The following GRID1 variants were observed in gnomAD, a reference collection of about 807,000 sequenced individuals.
GRID1 encodes the protein glutamate ionotropic receptor delta type subunit 1, also known as glutamate receptor ionotropic, delta-1.
Under a neutral mutation model 98.0 loss-of-function variants are expected in GRID1, and 28 were observed. The observed-to-expected ratio is 0.29, with a 90% CI of 0.21 to 0.39. GRID1 has a LOEUF of 0.39. Among genes scored for constraint, GRID1 ranks in the 10% least tolerant of loss-of-function variants. The pLI is 1.00. For synonymous variants in GRID1, 553 were observed against 538.5 expected (o/e 1.03, Z -0.37); for missense variants, 1,111 against 1,340.5 (o/e 0.83, Z 2.67).
At chr10:85,956,541 G>A (rs533959949) in intron 4 of GRID1, among the ~76,000 whole-genome samples, 16 of 152,256 alleles carry the variant, frequency 1.1e-4, no homozygotes, top group African/African-American at 3.1e-4. Flanking sequence ...GATTAAGTGC[G>A]GTTTTGACCA....
chr10:85,963,850 C>T (rs536206374), intron 4 of GRID1, among the ~76,000 whole-genome samples: 44 of 152,286 alleles, frequency 2.9e-4, no homozygotes, highest in Non-Finnish European at 6.2e-4. Context: ...AGCAGCAGCA[C>T]CTGACACAGC....
At chr10:86,007,054 C>A (rs1842870346) in intron 4 of GRID1, among the ~76,000 whole-genome samples, 1 of 152,126 alleles carries the variant, frequency 6.6e-6, no homozygotes, top group African/African-American at 2.4e-5. Flanking sequence ...TATTGAGAGG[C>A]TTGATTCTCA....
At chr10:85,884,596 G>C (rs537601966) in intron 5 of GRID1, among the ~76,000 whole-genome samples, 36 of 152,196 alleles carry the variant, frequency 2.4e-4, no homozygotes, top group Non-Finnish European at 4.6e-4. Flanking sequence ...TTTGTTTGTT[G>C]CTTCAGAAAT....
At chr10:85,737,171 G>T (rs1302924179) in intron 8 of GRID1, among the ~76,000 whole-genome samples, 1 of 152,116 alleles carries the variant, frequency 6.6e-6, no homozygotes, top group Non-Finnish European at 1.5e-5. Flanking sequence ...TTTGCACAAG[G>T]AATTGAGCCT....
At chr10:85,750,674 T>G (rs1393424721) in intron 8 of GRID1, among the ~76,000 whole-genome samples, 2 of 152,174 alleles carry the variant, frequency 1.3e-5, no homozygotes, top group Non-Finnish European at 1.5e-5. Context: ...GAAGGTAACA[T>G]AGCACTATGC....
intron 4 of GRID1, among the ~76,000 whole-genome samples, chr10:86,029,960 T>C (rs1843163548): frequency 1.3e-5 from 2 of 152,260 alleles, no homozygotes; most frequent in Non-Finnish European, 2.9e-5. Context: ...GGAATTGCTA[T>C]ACTTACTCTA....
At chr10:86,229,093 C>T (rs1482681319) in intron 2 of GRID1, among the ~76,000 whole-genome samples, 1 of 152,124 alleles carries the variant, frequency 6.6e-6, no homozygotes, top group Admixed American at 6.5e-5. Context: ...GGAGGGTCCC[C>T]ACATGATCTC....
chr10:86,287,695 G>A (rs914756807), intron 2 of GRID1, among the ~76,000 whole-genome samples: 23 of 152,110 alleles, frequency 1.5e-4, no homozygotes, highest in Non-Finnish European at 3.1e-4. Context: ...GCCCAGCACA[G>A]CCGTTGCACC....
Position 85,615,302 on chromosome 10 carries a change from G to C in GRID1, c.2361-1655C>G, listed in dbSNP as rs1226431990. On this transcript the variant is annotated intron_variant, in intron 14 of 15. Transcript: ENST00000327946. ...GAGGCACCAGACCTCACCTGGACCA[G>C]GGACTTGCTCCTACTAAAGATCAGT... 3.3e-5 allele frequency among the ~76,000 whole-genome samples: 5 copies of C among 152,162 alleles called. No homozygotes were observed. In the East Asian group the frequency reaches 9.7e-4, roughly 29 times the overall value.
At chr10:86,245,347 C>T (rs897570108) in intron 2 of GRID1, among the ~76,000 whole-genome samples, 1 of 152,222 alleles carries the variant, frequency 6.6e-6, no homozygotes, top group African/African-American at 2.4e-5. Context: ...AGCACCTACC[C>T]CTCAGACAGT....
intron 2 of GRID1, among the ~76,000 whole-genome samples, chr10:86,262,158 A>G (rs1354895355): frequency 6.6e-6 from 1 of 152,250 alleles, no homozygotes; most frequent in Non-Finnish European, 1.5e-5. Flanking sequence ...AGGGGAAGAA[A>G]GGCGCTGATC....
intron 4 of GRID1, among the ~76,000 whole-genome samples, chr10:86,126,228 G>T (rs1844750745): frequency 6.6e-6 from 1 of 152,190 alleles, no homozygotes; most frequent in Non-Finnish European, 1.5e-5. Context: ...GGCCAAGGCG[G>T]GTGGATCATG....
intron 2 of GRID1, among the ~76,000 whole-genome samples, chr10:86,230,607 T>C (rs1222386516): frequency 6.6e-6 from 1 of 152,216 alleles, no homozygotes; most frequent in Admixed American, 6.5e-5. Flanking sequence ...CTTCCCACTG[T>C]TCCCTGAACA....
rs1049276148 is a variant in GRID1 at position 86,085,429 on chromosome 10, G to C, written c.726+53390C>G. Among the ~76,000 whole-genome samples, 24 of 152,304 alleles carry C rather than the reference G, an allele frequency of 1.6e-4. No individual in the cohort carries two copies. The South Asian group carries it at 2.1e-3, about 13-fold the overall frequency. On this transcript the variant is annotated intron_variant, in intron 4 of 15. Coordinates refer to ENST00000327946, the MANE Select transcript of GRID1 (RefSeq NM_017551.3). ...AAGTGTGAGAAAATGTGGAAAACAG[G>C]CATGAAAGCAGGAAAGGTCGAGAGA... is the stretch of plus-strand genomic sequence containing the variant.
intron 3 of GRID1, among the ~76,000 whole-genome samples, chr10:86,164,473 T>C (rs543428448): frequency 2.6e-5 from 4 of 152,226 alleles, no homozygotes; most frequent in Non-Finnish European, 4.4e-5. Flanking sequence ...AGTGACACTG[T>C]GTTCCAGGCA....
chr10:86,256,572 C>G (rs183914786), intron 2 of GRID1, among the ~76,000 whole-genome samples: 3 of 152,346 alleles, frequency 2.0e-5, no homozygotes, highest in Non-Finnish European at 4.4e-5. Flanking sequence ...CTCTCTCTCT[C>G]TCTCCATCCC....
At chr10:86,191,768 T>G (rs1845805743) in intron 3 of GRID1, among the ~76,000 whole-genome samples, 1 of 152,184 alleles carries the variant, frequency 6.6e-6, no homozygotes, top group Non-Finnish European at 1.5e-5. Context: ...ACTCCAGCCC[T>G]GCCCAGTTGT....
rs557134764 is a variant in GRID1 at position 86,221,071 on chromosome 10, A to G, written c.236-14423T>C. On this transcript the variant is annotated intron_variant, in intron 2 of 15. Transcript: ENST00000327946. ...CATTCAGCCTGGCCCTGCTCCTAAT[A>G]TTTTCTGAGACAGAGCCCAGCTGGC... Among the ~76,000 whole-genome samples the G allele has an allele frequency of 5.4e-4, 82 of 151,984 alleles. 1 individual carries two copies. The highest frequency in any genetic ancestry group is 2.0e-3 in the African/African-American group (82 of 41,430).
intron 8 of GRID1, 129 bp from the exon 9 acceptor site, chr10:85,729,743 A>G (rs1841802780): frequency 3.4e-6 from 2 of 586,228 alleles, no homozygotes; most frequent in Non-Finnish European, 6.2e-6. Context: ...GTTCCCAGAG[A>G]CCCAGAGCCA....
Sources: allele counts gnomAD v4.1 joint callset (sites outside exome capture counted in the v4.1 genomes callset), GRCh38; gene constraint gnomAD v4.1.1; transcripts MANE v1.5; gene names NCBI Gene and HGNC (gene_info 2026-07-23, HGNC 2026-07-21).